PPP1R12B: variants seen among roughly 807,000 people sequenced by gnomAD.
The protein encoded by PPP1R12B is protein phosphatase 1 regulatory subunit 12B, also known as myosin phosphatase target subunit 2.
PPP1R12B carries 76 observed loss-of-function variants against 126.1 expected under a neutral mutation model. The observed-to-expected ratio is 0.60, with a 90% CI of 0.50 to 0.73. PPP1R12B has a LOEUF of 0.73. Among genes scored for constraint, PPP1R12B ranks in the 30% least tolerant of loss-of-function variants. The pLI is 0.00. For missense variants in PPP1R12B, 1,052 were observed against 1,205.1 expected, an observed-to-expected ratio of 0.87 and a Z score of 1.88; for synonymous variants, 356 against 434.7, an observed-to-expected ratio of 0.82 and a Z score of 2.25.
chr1:202,355,906 A>G (rs970663919), intron 1 of PPP1R12B, among the ~76,000 whole-genome samples: 8 of 152,158 alleles, frequency 5.3e-5, no homozygotes, highest in African/African-American at 1.9e-4. Context: ...ATGGTGGCCC[A>G]TATCTGTAAT....
intron 18 of PPP1R12B, among the ~76,000 whole-genome samples, chr1:202,513,245 A>T (rs1379724042): frequency 3.3e-5 from 5 of 152,170 alleles, no homozygotes; most frequent in African/African-American, 4.8e-5. Flanking sequence ...AAGTGCTGGG[A>T]TTACAGGCGT....
chr1:202,543,156 A>T (rs1416945549), intron 18 of PPP1R12B, among the ~76,000 whole-genome samples: 1 of 152,092 alleles, frequency 6.6e-6, no homozygotes, highest in Non-Finnish European at 1.5e-5. Flanking sequence ...AGTAAAGGCA[A>T]ACTATAAACT....
chr1:202,402,943 G>A (rs1666060931), intron 1 of PPP1R12B, among the ~76,000 whole-genome samples: 1 of 152,204 alleles, frequency 6.6e-6, no homozygotes. Flanking sequence ...GAAATGGGAT[G>A]AATGGATGAA....
At chr1:202,444,374 G>T (rs1031624637) in intron 12 of PPP1R12B, among the ~76,000 whole-genome samples, 7 of 152,132 alleles carry the variant, frequency 4.6e-5, no homozygotes, top group East Asian at 1.9e-4. Flanking sequence ...AATTGAGATG[G>T]TTCTTACCTG....
intron 18 of PPP1R12B, among the ~76,000 whole-genome samples, chr1:202,551,790 T>G (rs1220830706): frequency 1.3e-5 from 2 of 152,192 alleles, no homozygotes; most frequent in African/African-American, 4.8e-5. Context: ...AAGAACTCAG[T>G]GCTTCAATGC....
At chr1:202,511,835 G>T (rs1293378998) in intron 18 of PPP1R12B, among the ~76,000 whole-genome samples, 1 of 139,172 alleles carries the variant, frequency 7.2e-6, no homozygotes, top group Non-Finnish European at 1.5e-5. Flanking sequence ...GGAGTGCAAT[G>T]ACATGATCTT....
intron 18 of PPP1R12B, among the ~76,000 whole-genome samples, chr1:202,531,026 A>G (rs534389614): frequency 3.9e-5 from 6 of 152,344 alleles, no homozygotes; most frequent in East Asian, 3.9e-4. Context: ...GTCAACATTA[A>G]ATGTGAGTTA....
At chr1:202,482,342 A>G (rs367855468) in intron 13 of PPP1R12B, among the ~76,000 whole-genome samples, 66 of 152,324 alleles carry the variant, frequency 4.3e-4, no homozygotes, top group African/African-American at 1.6e-3. Context: ...GTACTAGCTT[A>G]CAGTCCCACC....
chr1:202,375,573 T>C (rs1661044427), intron 1 of PPP1R12B, among the ~76,000 whole-genome samples: 1 of 152,198 alleles, frequency 6.6e-6, no homozygotes. Context: ...TCCCTTTATA[T>C]CTTTTCCTTG....
chr1:202,488,530 C>G lies in PPP1R12B; in HGVS notation c.1851-3C>G. The G allele has an allele frequency of 6.2e-7, 1 of 1,600,752 alleles. No individual in the cohort carries two copies. The highest frequency in any genetic ancestry group is 1.1e-5 in the South Asian group (1 of 89,636). ...TTTTGCTATTACTTTTTTTTCTCTG[C>G]AGGTCCTATCTGACTCCTGTACGGG... On this transcript the variant is annotated splice_region_variant and splice_polypyrimidine_tract_variant and intron_variant, in intron 13 of 23. Transcript: ENST00000608999.
In PPP1R12B at chr1:202,348,739, T is replaced by C. The variant is rs879146238; in HGVS notation, c.-113T>C. On this transcript the variant is annotated 5_prime_UTR_variant, in exon 1 of 24. Coordinates refer to ENST00000608999, the MANE Select transcript of PPP1R12B (RefSeq NM_002481.4). ...AGGAGTAAAGATGGCGGCGCGAGGGTCTCCGCCCTCTGCTCCGGGCTGAAG... is the reference window on the plus strand; with the variant it reads ...AGGAGTAAAGATGGCGGCGCGAGGGCCTCCGCCCTCTGCTCCGGGCTGAAG... The C allele has an allele frequency of 1.5e-6, 2 of 1,341,026 alleles. No individual in the cohort carries two copies. The highest frequency in any genetic ancestry group is 3.0e-5 in the African/African-American group (2 of 66,750). The allele number at this position is 1,341,026 out of a possible 1,614,324, so 83.1% of individuals were successfully genotyped here.
intron 1 of PPP1R12B, among the ~76,000 whole-genome samples, chr1:202,408,297 TCA>T (rs869070698): frequency 1.6e-5 from 2 of 121,718 alleles, no homozygotes; most frequent in Non-Finnish European, 3.8e-5. Context: ...GTAAAATGCC[TCA>T]TGTGAGAACC....
Position 202,592,512 on chromosome 1 carries a change from A to G in PPP1R12B, c.*11952A>G, listed in dbSNP as rs574132505. 4 of 152,390 alleles carry G rather than the reference A, an allele frequency of 2.6e-5. No homozygotes were observed. In the South Asian group the frequency reaches 8.3e-4, roughly 32 times the overall value. 9.4% of individuals were successfully genotyped at this position (152,390 alleles called of 1,614,324 possible). Reference sequence around the variant, plus strand: ...GATCAAGGGGACTCTCAGCATTGCCATGCGGCTATTTACAGAAAGTTATAG... The same window carrying G: ...GATCAAGGGGACTCTCAGCATTGCCGTGCGGCTATTTACAGAAAGTTATAG... On this transcript the variant is annotated 3_prime_UTR_variant, in exon 24 of 24. Coordinates refer to ENST00000608999, the MANE Select transcript of PPP1R12B (RefSeq NM_002481.4).
At chr1:202,384,100 G>A (rs901048988) in intron 1 of PPP1R12B, among the ~76,000 whole-genome samples, 2 of 152,174 alleles carry the variant, frequency 1.3e-5, no homozygotes, top group African/African-American at 4.8e-5. Flanking sequence ...ATTGCTGATG[G>A]GATTGTAAAA....
intron 10 of PPP1R12B, 83 bp from the exon 11 acceptor site, chr1:202,440,623 T>C (rs1671479746): frequency 1.0e-6 from 1 of 995,184 alleles, no homozygotes; most frequent in Non-Finnish European, 1.6e-6. Flanking sequence ...ATAGGTATAT[T>C]AAGTTCTGCT....
At chr1:202,415,604 T>C (rs1423866827) in intron 1 of PPP1R12B, among the ~76,000 whole-genome samples, 9 of 152,208 alleles carry the variant, frequency 5.9e-5, no homozygotes, top group African/African-American at 2.2e-4. Flanking sequence ...ATTCTGTAGC[T>C]ATGTCAAGAT....
chr1:202,567,777 G>T lies in PPP1R12B; in HGVS notation c.2758-1G>T. 6.2e-7 allele frequency: 1 copy of T among 1,613,972 alleles called. No homozygotes were observed. Among genetic ancestry groups the T allele is most frequent in the Non-Finnish European group, 8.5e-7 (1 of 1,179,870 alleles). On this transcript the variant is annotated splice_acceptor_variant, in intron 21 of 23. Coordinates refer to ENST00000608999, the MANE Select transcript of PPP1R12B (RefSeq NM_002481.4). LOFTEE classifies it high-confidence loss of function. ...AACTGTTTTCCTTCCATTTGCACCAGCAGAAACAAGAAAAGACCTCTGACC... is the reference window on the plus strand; with the variant it reads ...AACTGTTTTCCTTCCATTTGCACCATCAGAAACAAGAAAAGACCTCTGACC...
chr1:202,365,301 A>AT (rs1349500945), intron 1 of PPP1R12B, among the ~76,000 whole-genome samples: 2 of 152,040 alleles, frequency 1.3e-5, no homozygotes, highest in East Asian at 1.9e-4. Context: ...TAAAAAAAAA[A>AT]GCCAATTGTG....
At chr1:202,517,017 C>A (rs1169429279) in intron 18 of PPP1R12B, among the ~76,000 whole-genome samples, 4 of 152,170 alleles carry the variant, frequency 2.6e-5, no homozygotes, top group African/African-American at 7.2e-5. Flanking sequence ...CTGTGTCTAG[C>A]TTACTTGTTT....
Sources: allele counts gnomAD v4.1 joint callset (sites outside exome capture counted in the v4.1 genomes callset), GRCh38; gene constraint gnomAD v4.1.1; transcripts MANE v1.5; gene names NCBI Gene and HGNC (gene_info 2026-07-23, HGNC 2026-07-21).